Variants in MMP12 observed in about 807,000 individuals in gnomAD.
MMP12 encodes macrophage metalloelastase.
A neutral mutation model predicts 45.2 loss-of-function variants in MMP12; 51 were observed. The ratio of observed to expected loss-of-function variants is 1.13; its 90% CI spans 0.90 to 1.42. MMP12 has a LOEUF of 1.42. Among genes scored for constraint, MMP12 ranks in the 40% most tolerant of loss-of-function variants. MMP12 has a pLI of 0.00. For synonymous variants in MMP12, 210 were observed against 193.3 expected (o/e 1.09, Z -0.72); for missense variants, 530 against 570.8 (o/e 0.93, Z 0.73).
chr11:102,871,782 A>G (rs200864831), intron 3 of MMP12, 22 bp downstream of exon 3: 48 of 1,612,916 alleles, frequency 3.0e-5, no homozygotes, highest in Non-Finnish European at 3.8e-5. Context: ...CAAATGACAA[A>G]GATGAAATAC....
In MMP12 at chr11:102,862,974, A is replaced by T; in HGVS notation, c.*126T>A. 1.9e-6 allele frequency: 1 copy of T among 532,044 alleles called. No individual in the cohort carries two copies. The highest frequency in any genetic ancestry group is 3.2e-6 in the Non-Finnish European group (1 of 308,124). 33.0% of individuals were successfully genotyped at this position (532,044 alleles called of 1,614,324 possible). A position where few individuals can be genotyped will look rare whatever the true frequency, so the allele number is the denominator to read the frequency against. On this transcript the variant is annotated 3_prime_UTR_variant, in exon 10 of 10. Transcript: ENST00000571244. ...TATGTATTTTATATAATCATTACCT[A>T]TGGTTTACAGATTTTATTTTTATGA...
In MMP12 at chr11:102,871,627, C is replaced by T. The variant is rs201174015; in HGVS notation, c.592G>A (p.Asp198Asn). ...TGTGTAGTCCAGAATTCGTCCTCAT[C>T]GAAATGTGCATCCCCTCCAATGCCA... ...GSGIGGDAHF[D>N]EDEFWTTHSG... The change falls in exon 4 of 10, where the codon GAT (aspartate) becomes AAT (asparagine). Residue 198 changes from aspartate (D) to asparagine (N), a missense_variant. Physicochemically the swap from Asp to Asn is conservative, Grantham distance 23. Transcript: ENST00000571244. 2.4e-5 allele frequency: 38 copies of T among 1,563,506 alleles called. No homozygotes were observed. The highest frequency in any genetic ancestry group is 2.9e-5 in the Non-Finnish European group (33 of 1,152,878).
At chr11:102,864,098 C>T (rs782192858) in intron 9 of MMP12, 48 bp downstream of exon 9, 4 of 1,357,766 alleles carry the variant, frequency 2.9e-6, no homozygotes, top group Non-Finnish European at 3.1e-6. Flanking sequence ...GGATTTATAG[C>T]TTTGAAATGT....
chr11:102,872,362 A>G (rs1859514855), intron 2 of MMP12, among the ~76,000 whole-genome samples: 1 of 150,462 alleles, frequency 6.6e-6, no homozygotes, highest in Non-Finnish European at 1.5e-5. Flanking sequence ...TTTTTTTGAG[A>G]TGGAGTCTCA....
At position 102,871,736 on chromosome 11, in the gene MMP12, G is replaced by C; in HGVS notation, c.500-17C>G. On this transcript the variant is annotated splice_polypyrimidine_tract_variant and intron_variant, in intron 3 of 9. Coordinates refer to ENST00000571244, the MANE Select transcript of MMP12 (RefSeq NM_002426.6). ...CTCCATGAGCTTTTGGAAAAGGAAA[G>C]AAAATTAGTCCTTCTATACATCCTA... 6 of 1,613,170 alleles carry C rather than the reference G, an allele frequency of 3.7e-6. No individual in the cohort carries two copies. Among genetic ancestry groups the C allele is most frequent in the Non-Finnish European group, 5.1e-6 (6 of 1,179,558 alleles).
Position 102,865,269 on chromosome 11 carries a change from G to A in MMP12, c.1205+507C>T, listed in dbSNP as rs1445518243. Reference sequence around the variant, plus strand: ...GAATCCTCTCCTCCTTCAAAATGTAGACAATTGAGACAACAGAGACAGACA... The same window carrying A: ...GAATCCTCTCCTCCTTCAAAATGTAAACAATTGAGACAACAGAGACAGACA... On this transcript the variant is annotated intron_variant, in intron 8 of 9. Coordinates refer to ENST00000571244, the MANE Select transcript of MMP12 (RefSeq NM_002426.6). This position sits in a 1 kb window ranked among gnomAD's most constrained non-coding sequence, Gnocchi z 4.1. 6.6e-6 allele frequency among the ~76,000 whole-genome samples: 1 copy of A among 152,176 alleles called. No individual in the cohort carries two copies. The highest frequency in any genetic ancestry group is 1.5e-5 in the Non-Finnish European group (1 of 68,032).
rs1555009615 is a variant in MMP12, at chr11:102,872,970, G to A, written c.245C>T (p.Ser82Phe). 1.2e-6 allele frequency: 2 copies of A among 1,613,578 alleles called. No homozygotes were observed. The highest frequency in any genetic ancestry group is 1.7e-6 in the Non-Finnish European group (2 of 1,179,780). ...AGGTGCGTGCATCATCTCCAGGGTA[G>A]ATGTGTCCAGTTGCCCGGTCACTTT... ...GLKVTGQLDTSTLEMMHAPRC... is the reference protein window; with the variant it reads ...GLKVTGQLDTFTLEMMHAPRC... Residue 82 changes from serine (S) to phenylalanine (F), a missense_variant, in exon 2 of 10, where the codon TCT becomes TTT. Coordinates refer to ENST00000571244, the MANE Select transcript of MMP12 (RefSeq NM_002426.6).
At chr11:102,864,709 C>T (rs1555008277) in intron 8 of MMP12, among the ~76,000 whole-genome samples, 1 of 152,172 alleles carries the variant, frequency 6.6e-6, no homozygotes, top group African/African-American at 2.4e-5. Flanking sequence ...TGAAAATAAA[C>T]ACTTTTGTTT....
chr11:102,874,850 C>CATT lies in MMP12; in HGVS notation c.85_87dup (p.Asn29dup). 1 of 1,601,598 alleles carries CATT rather than the reference C, an allele frequency of 6.2e-7. No homozygotes were observed. The highest frequency in any genetic ancestry group is 8.5e-7 in the Non-Finnish European group (1 of 1,172,880). On this transcript the variant is annotated inframe_insertion, in exon 1 of 10. Coordinates refer to ENST00000571244, the MANE Select transcript of MMP12 (RefSeq NM_002426.6). ...TCCATACTTACTTCACCAAATAGCA[C>CATT]ATTATTTTTTTCCAGGCTTGTAGAG...
Position 102,863,240 on chromosome 11 carries a change from T to G in MMP12, c.1313-40A>C, listed in dbSNP as rs1488331394. 2.8e-6 allele frequency: 3 copies of G among 1,088,546 alleles called. No homozygotes were observed. In the African/African-American group the frequency reaches 4.7e-5, roughly 17 times the overall value. The allele number at this position is 1,088,546 out of a possible 1,614,324, so 67.4% of individuals were successfully genotyped here. On this transcript the variant is annotated intron_variant, in intron 9 of 9. Transcript: ENST00000571244. ...AAATTAAATAGTTTAATTCCCTCCCTGTATTTCTTTACAACAACAACAACA... is the reference window on the plus strand; with the variant it reads ...AAATTAAATAGTTTAATTCCCTCCCGGTATTTCTTTACAACAACAACAACA...
At position 102,868,041 on chromosome 11, in the gene MMP12, G is replaced by C. The variant is rs782260566; in HGVS notation, c.654C>G (p.His218Gln). The stretch of plus-strand genomic sequence containing the variant: ...CAAGACCTAAGGAATGGCCAATCTC[G>C]TGAACAGCAGTGAGGAACAAGTTTG... ...GGTNLFLTAV[H>Q]EIGHSLGLGH... Residue 218 changes from histidine (H) to glutamine (Q), a missense_variant, in exon 5 of 10, where the codon CAC becomes CAG. Coordinates refer to ENST00000571244, the MANE Select transcript of MMP12 (RefSeq NM_002426.6). 6.3e-7 allele frequency: 1 copy of C among 1,599,384 alleles called. No individual in the cohort carries two copies. Among genetic ancestry groups the C allele is most frequent in the African/African-American group, 1.3e-5 (1 of 74,704 alleles).
Position 102,862,845 on chromosome 11 carries a change from T to C in MMP12, c.*255A>G. On this transcript the variant is annotated 3_prime_UTR_variant, in exon 10 of 10. Coordinates refer to ENST00000571244, the MANE Select transcript of MMP12 (RefSeq NM_002426.6). ...ATGTTAGGAAGCAACTTACAGAGCATGCTTCAAATAGAATTCTCTTGGCCT... is the reference window on the plus strand; with the variant it reads ...ATGTTAGGAAGCAACTTACAGAGCACGCTTCAAATAGAATTCTCTTGGCCT... 3.8e-6 allele frequency: 1 copy of C among 266,618 alleles called. No individual in the cohort carries two copies. Among genetic ancestry groups the C allele is most frequent in the Non-Finnish European group, 6.9e-6 (1 of 144,152 alleles). 16.5% of individuals were successfully genotyped at this position (266,618 alleles called of 1,614,324 possible). A position where few individuals can be genotyped will look rare whatever the true frequency, so the allele number is the denominator to read the frequency against.
At chr11:102,871,215 G>A (rs1415073471) in intron 4 of MMP12, among the ~76,000 whole-genome samples, 3 of 151,870 alleles carry the variant, frequency 2.0e-5, no homozygotes, top group Non-Finnish European at 4.4e-5. Flanking sequence ...AAGTGACAGA[G>A]CAAGACCTTG....
At chr11:102,864,925 T>A (rs1382454439) in intron 8 of MMP12, among the ~76,000 whole-genome samples, 1 of 152,006 alleles carries the variant, frequency 6.6e-6, no homozygotes, top group African/African-American at 2.4e-5. Context: ...CAAGTAGGAG[T>A]GGAAAACTAA....
At chr11:102,868,793 A>G (rs1199407603) in intron 4 of MMP12, among the ~76,000 whole-genome samples, 1 of 152,210 alleles carries the variant, frequency 6.6e-6, no homozygotes, top group Non-Finnish European at 1.5e-5. Flanking sequence ...TAAAGAGTCT[A>G]TATGACTCAA....
intron 3 of MMP12, 33 bp downstream of exon 3, chr11:102,871,771 C>T (rs782619415): frequency 1.9e-6 from 3 of 1,612,788 alleles, no homozygotes; most frequent in Non-Finnish European, 2.5e-6. Flanking sequence ...ATAGATCATG[C>T]CAAATGACAA....
chr11:102,874,028 C>CAAAAAAAA (rs35364937), intron 1 of MMP12, among the ~76,000 whole-genome samples: 1 of 97,472 alleles, frequency 1.0e-5, no homozygotes, highest in Non-Finnish European at 2.2e-5. Flanking sequence ...AACCCTGTCT[C>CAAAAAAAA]AAAAAAAAAA....
intron 7 of MMP12, 100 bp downstream of exon 7, chr11:102,866,215 G>T: frequency 8.3e-7 from 1 of 1,200,212 alleles, no homozygotes. Flanking sequence ...AAAATCAAGA[G>T]TGCTTTCTTG....
chr11:102,863,192 A>G lies in MMP12; in HGVS notation c.1321T>C (p.Tyr441His). Reference protein sequence around the residue: ...AVFYSKNKYYYFFQGSNQFEY... With the variant: ...AVFYSKNKYYHFFQGSNQFEY... The stretch of plus-strand genomic sequence containing the variant: ...AATTGGTTAGATCCTTGGAAGAAAT[A>G]GTAGTATTCTGAAAATGAAAACAAA... Residue 441 changes from tyrosine (Y) to histidine (H), a missense_variant, in exon 10 of 10, where the codon TAT becomes CAT. Physicochemically the swap from Tyr to His is moderately conservative, Grantham distance 83. Transcript: ENST00000571244. 1 of 1,578,810 alleles carries G rather than the reference A, an allele frequency of 6.3e-7. No individual in the cohort carries two copies. The highest frequency in any genetic ancestry group is 8.7e-7 in the Non-Finnish European group (1 of 1,152,978).
Sources: allele counts gnomAD v4.1 joint callset (sites outside exome capture counted in the v4.1 genomes callset), GRCh38; gene constraint gnomAD v4.1.1; non-coding constraint Gnocchi (gnomAD v3.1); transcripts MANE v1.5; gene names NCBI Gene and HGNC (gene_info 2026-07-23, HGNC 2026-07-21).